The following KCNQ5 variants were observed in gnomAD, a reference collection of about 807,000 sequenced individuals.
KCNQ5 encodes potassium voltage-gated channel subfamily Q member 5.
In KCNQ5, 30 loss-of-function variants were observed where a neutral mutation model predicts 98.2. The ratio of observed to expected loss-of-function variants is 0.31; its 90% CI spans 0.23 to 0.41. The LOEUF (loss-of-function observed/expected upper bound fraction) is 0.41, where lower values mean the gene tolerates loss of function less well. Ranked by LOEUF, KCNQ5 falls within the 10% of genes least tolerant of loss-of-function variation. The pLI is 1.00. For missense variants in KCNQ5, 835 were observed against 1,182.5 expected (o/e 0.71, Z 4.31); for synonymous variants, 458 against 449.4 (o/e 1.02, Z -0.24).
Position 72,824,785 on chromosome 6 carries a change from C to CTGTGTGTG in KCNQ5, c.399-179109_399-179102dup, listed in dbSNP as rs35336711. On this transcript the variant is annotated intron_variant, in intron 1 of 13. Transcript: ENST00000370398. ...TCTCTCTCTCTTTCTTTCTCTGTCT[C>CTGTGTGTG]TGTGTGTGTGTGTGTGTGTGTCTCT... Among the ~76,000 whole-genome samples, 3 of 150,838 alleles carry CTGTGTGTG rather than the reference C, an allele frequency of 2.0e-5. No individual in the cohort carries two copies. In the East Asian group the frequency reaches 5.9e-4, roughly 30 times the overall value.
intron 1 of KCNQ5, among the ~76,000 whole-genome samples, chr6:72,958,178 A>G (rs767613071): frequency 1.3e-5 from 2 of 152,194 alleles, no homozygotes; most frequent in Non-Finnish European, 2.9e-5. Flanking sequence ...ACTGCCCATT[A>G]CAAGAGAACA....
chr6:73,096,845 C>G (rs1173577927), intron 5 of KCNQ5, among the ~76,000 whole-genome samples: 3 of 151,376 alleles, frequency 2.0e-5, no homozygotes, highest in Non-Finnish European at 4.4e-5. Context: ...AAGTTCAAGA[C>G]CAGCCTGGCC....
chr6:72,965,615 C>G (rs1767565160), intron 1 of KCNQ5, among the ~76,000 whole-genome samples: 1 of 152,146 alleles, frequency 6.6e-6, no homozygotes, highest in South Asian at 2.1e-4. Context: ...GTTTTCCTAT[C>G]CACTGACCCA....
At chr6:73,001,680 C>T (rs1582169970) in intron 1 of KCNQ5, among the ~76,000 whole-genome samples, 2 of 152,288 alleles carry the variant, frequency 1.3e-5, no homozygotes, top group Non-Finnish European at 2.9e-5. Context: ...TCATCTGATG[C>T]CACATCATCC....
chr6:72,705,560 A>G (rs945816684), intron 1 of KCNQ5, among the ~76,000 whole-genome samples: 9 of 144,020 alleles, frequency 6.2e-5, no homozygotes, highest in African/African-American at 2.4e-4. Context: ...TACTGTCCAA[A>G]TTTTTTTTTT....
intron 1 of KCNQ5, among the ~76,000 whole-genome samples, chr6:72,646,240 T>C (rs1186944101): frequency 6.6e-6 from 1 of 152,052 alleles, no homozygotes; most frequent in Non-Finnish European, 1.5e-5. Context: ...TATGTTTGTA[T>C]ACATATACAC....
At chr6:72,901,040 A>T (rs1391030410) in intron 1 of KCNQ5, among the ~76,000 whole-genome samples, 1 of 151,858 alleles carries the variant, frequency 6.6e-6, no homozygotes, top group African/African-American at 2.4e-5. Context: ...GGTTTGTTAC[A>T]TATGTATACG....
chr6:73,141,667 A>C (rs1310220016), intron 10 of KCNQ5, among the ~76,000 whole-genome samples: 2 of 152,156 alleles, frequency 1.3e-5, no homozygotes, highest in Admixed American at 1.3e-4. Flanking sequence ...TGAGCTGCCA[A>C]ATGACCTTCG....
At chr6:73,069,876 A>C (rs989023591) in intron 3 of KCNQ5, among the ~76,000 whole-genome samples, 1 of 152,238 alleles carries the variant, frequency 6.6e-6, no homozygotes, top group African/African-American at 2.4e-5. Flanking sequence ...ATGTGGTAGT[A>C]GAATACAAAG....
intron 11 of KCNQ5, among the ~76,000 whole-genome samples, chr6:73,171,683 T>C (rs1484942815): frequency 2.0e-5 from 3 of 152,222 alleles, no homozygotes; most frequent in Non-Finnish European, 4.4e-5. Flanking sequence ...AAACGAAAGA[T>C]TTCCCATGTC....
intron 10 of KCNQ5, among the ~76,000 whole-genome samples, chr6:73,153,875 C>A (rs9343012): frequency 6.8e-6 from 1 of 147,034 alleles, no homozygotes; most frequent in East Asian, 2.0e-4. Flanking sequence ...GTTATGCAAT[C>A]TGTATCAATC....
chr6:72,684,006 A>C (rs1478357137), intron 1 of KCNQ5, among the ~76,000 whole-genome samples: 2 of 152,184 alleles, frequency 1.3e-5, no homozygotes, highest in East Asian at 3.9e-4. Context: ...TTACCAACCC[A>C]CATGGTCAAT....
At chr6:72,750,609 G>A (rs1253486152) in intron 1 of KCNQ5, among the ~76,000 whole-genome samples, 1 of 151,224 alleles carries the variant, frequency 6.6e-6, no homozygotes, top group Non-Finnish European at 1.5e-5. Flanking sequence ...GATTAAAAAG[G>A]TGACAATACT....
At chr6:72,696,329 A>G (rs1043022483) in intron 1 of KCNQ5, among the ~76,000 whole-genome samples, 11 of 152,232 alleles carry the variant, frequency 7.2e-5, no homozygotes, top group Admixed American at 6.5e-4. Flanking sequence ...TATTAACCAC[A>G]TATAAATCTA....
At chr6:73,063,004 G>C (rs565477374) in intron 3 of KCNQ5, among the ~76,000 whole-genome samples, 1 of 152,084 alleles carries the variant, frequency 6.6e-6, no homozygotes, top group Non-Finnish European at 1.5e-5. Context: ...AGTATTTACA[G>C]GTCACAATGT....
chr6:73,124,289 C>A (rs958377428), intron 8 of KCNQ5, among the ~76,000 whole-genome samples, 197 bp from the exon 9 acceptor site: 4 of 152,160 alleles, frequency 2.6e-5, no homozygotes, highest in African/African-American at 9.7e-5. Context: ...GTTGTGCTAT[C>A]TCTGGTCTGT....
At chr6:73,028,060 C>T (rs1007584830) in intron 2 of KCNQ5, among the ~76,000 whole-genome samples, 17 of 152,158 alleles carry the variant, frequency 1.1e-4, no homozygotes, top group African/African-American at 4.1e-4. Context: ...CAATTCTATT[C>T]CCTGCCTGCC....
At chr6:72,843,042 C>T (rs1776867381) in intron 1 of KCNQ5, among the ~76,000 whole-genome samples, 1 of 152,160 alleles carries the variant, frequency 6.6e-6, no homozygotes, top group African/African-American at 2.4e-5. Flanking sequence ...GTATTTTAGT[C>T]ATGAAGTCTT....
chr6:73,036,125 T>G (rs1220312616), intron 2 of KCNQ5, among the ~76,000 whole-genome samples: 3 of 151,532 alleles, frequency 2.0e-5, no homozygotes, highest in East Asian at 2.0e-4. Flanking sequence ...GGTGGCTCAC[T>G]CCTGTAATCC....
Sources: allele counts gnomAD v4.1 joint callset (sites outside exome capture counted in the v4.1 genomes callset), GRCh38; gene constraint gnomAD v4.1.1; transcripts MANE v1.5; gene names NCBI Gene and HGNC (gene_info 2026-07-23, HGNC 2026-07-21).